Variants in SLC24A3 observed in about 807,000 individuals in gnomAD.
The protein encoded by SLC24A3 is solute carrier family 24 member 3.
SLC24A3 carries 28 observed loss-of-function variants against 75.8 expected under a neutral mutation model. The observed-to-expected ratio is 0.37, with a 90% CI of 0.27 to 0.51. The LOEUF (loss-of-function observed/expected upper bound fraction) is 0.51, where lower values mean the gene tolerates loss of function less well. Among genes scored for constraint, SLC24A3 ranks in the 20% least tolerant of loss-of-function variants. The pLI is 0.94. For synonymous variants in SLC24A3, 372 were observed against 334.1 expected (o/e 1.11, Z -1.24); for missense variants, 663 against 847.8 (o/e 0.78, Z 2.71).
rs1274260833 is a variant in SLC24A3, at chr20:19,696,926, G to T, written c.1606+15G>T. On this transcript the variant is annotated intron_variant, in intron 14 of 16. Transcript: ENST00000328041. Reference sequence around the variant, plus strand: ...GGCCAGACAAGGTGGGACTTCCAGTGGCAATGGGGAAGGAGGGAGGGAGGG... The same window carrying T: ...GGCCAGACAAGGTGGGACTTCCAGTTGCAATGGGGAAGGAGGGAGGGAGGG... 1 of 1,462,066 alleles carries T rather than the reference G, an allele frequency of 6.8e-7. No individual in the cohort carries two copies. The highest frequency in any genetic ancestry group is 9.4e-7 in the Non-Finnish European group (1 of 1,065,846). The allele number at this position is 1,462,066 out of a possible 1,614,324, so 90.6% of individuals were successfully genotyped here.
chr20:19,455,212 A>T (rs1461695415), intron 2 of SLC24A3, among the ~76,000 whole-genome samples: 1 of 152,242 alleles, frequency 6.6e-6, no homozygotes, highest in Non-Finnish European at 1.5e-5. Context: ...GGAAGGGGAC[A>T]GATGGATCTT....
intron 2 of SLC24A3, among the ~76,000 whole-genome samples, chr20:19,414,702 G>T (rs992262493): frequency 6.6e-6 from 1 of 152,174 alleles, no homozygotes; most frequent in East Asian, 1.9e-4. Context: ...TTCAGAAAGG[G>T]TATCTTTTCC....
intron 1 of SLC24A3, among the ~76,000 whole-genome samples, chr20:19,272,123 C>T (rs966946438): frequency 2.0e-5 from 3 of 152,248 alleles, no homozygotes; most frequent in Admixed American, 6.5e-5. Flanking sequence ...CTCTGTGCTG[C>T]CCGCCCAGCC....
At chr20:19,657,178 T>A (rs2032276204) in intron 7 of SLC24A3, among the ~76,000 whole-genome samples, 1 of 152,208 alleles carries the variant, frequency 6.6e-6, no homozygotes, top group Non-Finnish European at 1.5e-5. Context: ...AGGCTAGAGT[T>A]TTGTGATTTG....
chr20:19,673,554 TCA>T, intron 8 of SLC24A3, 45 bp from the exon 9 acceptor site: 1 of 1,562,464 alleles, frequency 6.4e-7, no homozygotes, highest in African/African-American at 1.4e-5. Context: ...CAGGTGAGTT[TCA>T]CAGATGTCCA....
chr20:19,243,253 T>C (rs1440489804), intron 1 of SLC24A3, among the ~76,000 whole-genome samples: 1 of 152,184 alleles, frequency 6.6e-6, no homozygotes, highest in East Asian at 1.9e-4. Context: ...ATGAATAACA[T>C]TGGAATAATG....
intron 15 of SLC24A3, among the ~76,000 whole-genome samples, chr20:19,708,878 G>T (rs539900848): frequency 6.6e-6 from 1 of 152,296 alleles, no homozygotes; most frequent in South Asian, 2.1e-4. Flanking sequence ...GGGAAGGAAG[G>T]GTTCTTCCAG....
intron 1 of SLC24A3, among the ~76,000 whole-genome samples, chr20:19,237,535 G>A (rs73899683): frequency 0.039 from 5,889 of 152,224 alleles, 356 homozygotes; most frequent in African/African-American, 0.13. Context: ...CCAGCTTGCA[G>A]AACAGCTTGG....
chr20:19,577,846 A>G (rs969899799), intron 3 of SLC24A3, among the ~76,000 whole-genome samples: 1 of 152,210 alleles, frequency 6.6e-6, no homozygotes, highest in Non-Finnish European at 1.5e-5. Context: ...TATATAACCC[A>G]TTCCCCAAGG....
chr20:19,653,936 C>T (rs1175224085), intron 6 of SLC24A3, 126 bp from the exon 7 acceptor site: 17 of 629,090 alleles, frequency 2.7e-5, no homozygotes, highest in East Asian at 2.4e-4. Context: ...GAATAAATTC[C>T]GATTGATTGG....
chr20:19,598,293 G>A (rs575662521), intron 6 of SLC24A3, among the ~76,000 whole-genome samples: 11 of 152,246 alleles, frequency 7.2e-5, no homozygotes, highest in African/African-American at 2.2e-4. Flanking sequence ...CTGGACCTGA[G>A]CCTGAATCTC....
At chr20:19,623,603 T>A (rs972988068) in intron 6 of SLC24A3, among the ~76,000 whole-genome samples, 1 of 152,196 alleles carries the variant, frequency 6.6e-6, no homozygotes, top group Admixed American at 6.5e-5. Context: ...AAAAATTAAT[T>A]TCCTCAGTCA....
intron 2 of SLC24A3, among the ~76,000 whole-genome samples, chr20:19,480,607 G>T (rs989585337): frequency 1.3e-5 from 2 of 152,284 alleles, no homozygotes; most frequent in Admixed American, 1.3e-4. Flanking sequence ...CTGACAACTA[G>T]CCCATTCAGC....
intron 2 of SLC24A3, among the ~76,000 whole-genome samples, chr20:19,285,499 A>G (rs1983791633): frequency 1.3e-5 from 2 of 149,650 alleles, no homozygotes; most frequent in Non-Finnish European, 3.0e-5. Flanking sequence ...AAAAAAAAAA[A>G]AAAGGCATTT....
At chr20:19,618,153 G>A (rs1184051888) in intron 6 of SLC24A3, among the ~76,000 whole-genome samples, 1 of 152,148 alleles carries the variant, frequency 6.6e-6, no homozygotes, top group Middle Eastern at 3.2e-3. Flanking sequence ...CTAGTGGGGA[G>A]CCCACTTTCC....
intron 7 of SLC24A3, among the ~76,000 whole-genome samples, chr20:19,657,615 T>C (rs2032280265): frequency 6.6e-6 from 1 of 152,226 alleles, no homozygotes; most frequent in Admixed American, 6.5e-5. Context: ...CTCTTAACTC[T>C]TGTTAAATGG....
intron 2 of SLC24A3, among the ~76,000 whole-genome samples, chr20:19,358,151 A>G (rs565057619): frequency 6.0e-4 from 92 of 152,222 alleles, no homozygotes; most frequent in African/African-American, 2.1e-3. Context: ...CAGTCATGAC[A>G]GTTTTGTTTA....
At chr20:19,571,537 C>A (rs1240869323) in intron 3 of SLC24A3, among the ~76,000 whole-genome samples, 2 of 152,122 alleles carry the variant, frequency 1.3e-5, no homozygotes, top group Non-Finnish European at 2.9e-5. Context: ...CCAGAGATGG[C>A]AAATCTCTCA....
chr20:19,688,402 T>G (rs914212747), intron 12 of SLC24A3, among the ~76,000 whole-genome samples: 2 of 152,216 alleles, frequency 1.3e-5, no homozygotes, highest in Non-Finnish European at 2.9e-5. Context: ...TCTCTTCCCC[T>G]CCACCAGCTG....
Sources: gnomAD v4.1 joint callset for allele counts (sites outside exome capture counted in the v4.1 genomes callset) on GRCh38, gnomAD v4.1.1 for gene constraint, MANE v1.5 for transcripts, NCBI Gene and HGNC (gene_info 2026-07-23, HGNC 2026-07-21) for gene names.